Variants in AK8 observed in about 807,000 individuals in gnomAD.
The protein encoded by AK8 is adenylate kinase 8, also known as ATP-AMP transphosphorylase 8.
A neutral mutation model predicts 54.6 loss-of-function variants in AK8; 44 were observed. The ratio of observed to expected loss-of-function variants is 0.81; its 90% CI spans 0.63 to 1.04. AK8 has a LOEUF of 1.04. AK8 is among the 50% of genes least tolerant of loss of function. AK8 has a pLI of 0.00. For missense variants in AK8, 555 were observed against 613.6 expected (o/e 0.90, Z 1.01); for synonymous variants, 239 against 245.6 (o/e 0.97, Z 0.25).
intron 11 of AK8, among the ~76,000 whole-genome samples, chr9:132,764,641 A>G (rs1478742389): frequency 6.6e-6 from 1 of 152,192 alleles, no homozygotes; most frequent in East Asian, 1.9e-4. Flanking sequence ...GAACAAACCA[A>G]TTATGAGTGA....
chr9:132,815,679 C>T (rs116327478), intron 9 of AK8, among the ~76,000 whole-genome samples: 11,832 of 152,338 alleles, frequency 0.078, 547 homozygotes, highest in Admixed American at 0.12. Flanking sequence ...CACTGTGTCT[C>T]GAGCCCTGAG....
chr9:132,800,569 C>T (rs1840398087), intron 10 of AK8, among the ~76,000 whole-genome samples: 1 of 150,870 alleles, frequency 6.6e-6, no homozygotes, highest in Non-Finnish European at 1.5e-5. Context: ...GGAGATGAAA[C>T]AGATGCCTTC....
chr9:132,875,047 G>A, intron 2 of AK8, 68 bp downstream of exon 2: 2 of 1,591,892 alleles, frequency 1.3e-6, no homozygotes, highest in Non-Finnish European at 8.6e-7. Flanking sequence ...AGAGGAGTCA[G>A]GGAAGAAGGG....
At chr9:132,834,546 G>A (rs1427085053) in intron 5 of AK8, among the ~76,000 whole-genome samples, 1 of 152,182 alleles carries the variant, frequency 6.6e-6, no homozygotes, top group Non-Finnish European at 1.5e-5. Flanking sequence ...CATTCCACAT[G>A]TATGACTGTA....
At chr9:132,786,801 CAA>C (rs1839728111) in intron 11 of AK8, among the ~76,000 whole-genome samples, 2 of 151,860 alleles carry the variant, frequency 1.3e-5, no homozygotes, top group Non-Finnish European at 2.9e-5. Flanking sequence ...CCAAGACAAA[CAA>C]AAATTCAATA....
intron 11 of AK8, among the ~76,000 whole-genome samples, chr9:132,730,567 G>T (rs377442): frequency 1.3e-5 from 2 of 151,848 alleles, no homozygotes; most frequent in African/African-American, 4.8e-5. Context: ...TCAGAATCCC[G>T]TCAGGAGCCT....
intron 11 of AK8, among the ~76,000 whole-genome samples, chr9:132,753,876 T>C (rs1049188906): frequency 2.6e-5 from 4 of 152,222 alleles, no homozygotes; most frequent in Admixed American, 6.5e-5. Context: ...ATCCAGTCTT[T>C]CCACTGCCGT....
intron 5 of AK8, among the ~76,000 whole-genome samples, chr9:132,842,216 A>T (rs1471702721): frequency 6.6e-6 from 1 of 152,164 alleles, no homozygotes; most frequent in Non-Finnish European, 1.5e-5. Flanking sequence ...TGGATTTTAA[A>T]CACCTTTGCC....
intron 1 of AK8, among the ~76,000 whole-genome samples, chr9:132,877,231 G>GT (rs1844152839): frequency 6.6e-6 from 1 of 152,186 alleles, no homozygotes; most frequent in Admixed American, 6.5e-5. Flanking sequence ...CACTCAAGCA[G>GT]TTTTAGGAAT....
intron 4 of AK8, chr9:132,861,608 G>A (rs1328454497): frequency 6.6e-6 from 1 of 152,250 alleles, no homozygotes; most frequent in East Asian, 1.9e-4. Flanking sequence ...CTAAGATGGA[G>A]ATGTCTTGGT....
rs1313006227 is a variant in AK8 at position 132,770,942 on chromosome 9, G to A, written c.1121+21692C>T. On this transcript the variant is annotated intron_variant, in intron 11 of 12. Coordinates refer to ENST00000298545, the MANE Select transcript of AK8 (RefSeq NM_152572.3). The surrounding 1 kb of genome is among the most constrained non-coding windows in gnomAD (Gnocchi z 4.3). ...TGGGGAGGGAGCAGCTGGTGGCCTCGGCAAACGCAGCACAGGAGATGGGAG... is the reference window on the plus strand; with the variant it reads ...TGGGGAGGGAGCAGCTGGTGGCCTCAGCAAACGCAGCACAGGAGATGGGAG... Among the ~76,000 whole-genome samples, 2 of 152,150 alleles carry A rather than the reference G, an allele frequency of 1.3e-5. No homozygotes were observed. The highest frequency in any genetic ancestry group is 2.9e-5 in the Non-Finnish European group (2 of 68,012).
At chr9:132,851,113 A>G (rs1842954782) in intron 5 of AK8, among the ~76,000 whole-genome samples, 1 of 152,226 alleles carries the variant, frequency 6.6e-6, no homozygotes, top group Non-Finnish European at 1.5e-5. Context: ...GCCTGGCCTT[A>G]AGGCAACCTG....
At chr9:132,857,847 G>A (rs1272124551) in intron 4 of AK8, among the ~76,000 whole-genome samples, 1 of 152,204 alleles carries the variant, frequency 6.6e-6, no homozygotes, top group Admixed American at 6.5e-5. Context: ...GCCCCCCGCT[G>A]CTCCCCGCCA....
rs775047002 is a variant in AK8, at chr9:132,860,729, C to T, written c.333+2936G>A. Reference sequence around the variant, plus strand: ...GGATGACTTAGTTCAGCTTCCTGGACTATTGGAAGAGAGAGCAGCCTGGCT... The same window carrying T: ...GGATGACTTAGTTCAGCTTCCTGGATTATTGGAAGAGAGAGCAGCCTGGCT... On this transcript the variant is annotated intron_variant, in intron 4 of 12. Transcript: ENST00000298545. This position sits in a 1 kb window ranked among gnomAD's most constrained non-coding sequence, Gnocchi z 4.4. Among the ~76,000 whole-genome samples the T allele has an allele frequency of 1.1e-4, 16 of 152,176 alleles. No individual in the cohort carries two copies. Among genetic ancestry groups the T allele is most frequent in the Non-Finnish European group, 2.2e-4 (15 of 68,036 alleles).
chr9:132,734,260 C>T (rs910888415), intron 11 of AK8, among the ~76,000 whole-genome samples: 1 of 152,174 alleles, frequency 6.6e-6, no homozygotes, highest in Admixed American at 6.5e-5. Context: ...GACCTGCATT[C>T]GTAAGTCAGA....
intron 1 of AK8, chr9:132,877,786 C>T (rs1433869797): frequency 4.1e-6 from 2 of 485,470 alleles, no homozygotes; most frequent in Non-Finnish European, 8.1e-6. Context: ...ACAAATTCGA[C>T]AGATGGTAAT....
chr9:132,779,146 C>T (rs959158131), intron 11 of AK8, among the ~76,000 whole-genome samples: 40 of 152,180 alleles, frequency 2.6e-4, no homozygotes, highest in African/African-American at 9.2e-4. Flanking sequence ...TGAGTAGATG[C>T]AGCAAATACT....
chr9:132,838,751 C>T (rs1842423958), intron 5 of AK8, among the ~76,000 whole-genome samples: 1 of 152,124 alleles, frequency 6.6e-6, no homozygotes, highest in South Asian at 2.1e-4. Flanking sequence ...CCTGCCTGTT[C>T]CTGTCAGCCC....
rs533456446 is a variant in AK8 at position 132,790,395 on chromosome 9, C to T, written c.1121+2239G>A. On this transcript the variant is annotated intron_variant, in intron 11 of 12. Coordinates refer to ENST00000298545, the MANE Select transcript of AK8 (RefSeq NM_152572.3). This position sits in a 1 kb window ranked among gnomAD's most constrained non-coding sequence, Gnocchi z 4.1. ...ACTCCCAAGTAGCTGGGACTACAGG[C>T]GGCCGCCACCACGTCCAGCTAATTT... Among the ~76,000 whole-genome samples the T allele has an allele frequency of 1.9e-3, 285 of 152,246 alleles. No individual in the cohort carries two copies. The highest frequency in any genetic ancestry group is 5.1e-3 in the Admixed American group (78 of 15,304).
Sources: allele counts gnomAD v4.1 joint callset (sites outside exome capture counted in the v4.1 genomes callset), GRCh38; gene constraint gnomAD v4.1.1; non-coding constraint Gnocchi (gnomAD v3.1); transcripts MANE v1.5; gene names NCBI Gene and HGNC (gene_info 2026-07-23, HGNC 2026-07-21).